The following TEX264 variants were observed in gnomAD, a reference collection of about 807,000 sequenced individuals.
TEX264 encodes the protein testis expressed 264, ER-phagy receptor, also known as testis-expressed protein 264.
In TEX264, 13 loss-of-function variants were observed where a neutral mutation model predicts 23.4. That is an observed-to-expected ratio of 0.56 (90% CI 0.36 to 0.88). TEX264 has a LOEUF of 0.88. TEX264 is among the 40% of genes least tolerant of loss of function. The probability of loss-of-function intolerance (pLI) is 0.01; values close to 1 mark genes in which losing one functional copy is unlikely to be tolerated. For synonymous variants in TEX264, 159 were observed against 170.0 expected, an observed-to-expected ratio of 0.94 and a Z score of 0.50; for missense variants, 340 against 406.8, an observed-to-expected ratio of 0.84 and a Z score of 1.41.
Position 51,674,363 on chromosome 3 carries a change from C to T in TEX264, c.59C>T (p.Thr20Met), listed in dbSNP as rs375351243. The change falls in exon 2 of 5, where the codon ACG becomes ATG. Residue 20 changes from threonine to methionine, a missense_variant. Transcript: ENST00000341333. ...IGGLTLLLLLTLLAFAGYSGL... is the reference protein window; with the variant it reads ...IGGLTLLLLLMLLAFAGYSGL... ...GGCCTGACTCTCTTACTGCTGCTGA[C>T]GCTGCTGGCCTTTGCCGGGTACTCA... The T allele has an allele frequency of 3.5e-5, 57 of 1,614,092 alleles. No homozygotes were observed. The highest frequency in any genetic ancestry group is 2.2e-4 in the East Asian group (10 of 44,898).
chr3:51,680,757 G>A (rs1702400449), intron 2 of TEX264, among the ~76,000 whole-genome samples: 2 of 152,212 alleles, frequency 1.3e-5, no homozygotes, highest in Non-Finnish European at 2.9e-5. Flanking sequence ...GGGAGGCCCA[G>A]GCCTATGTCC....
intron 2 of TEX264, chr3:51,682,997 T>G (rs1028413908): frequency 2.6e-5 from 4 of 152,304 alleles, no homozygotes; most frequent in African/African-American, 9.7e-5. Context: ...CAGAGAGGGC[T>G]TGGAAAGGGC....
In TEX264 at chr3:51,674,560, A is replaced by G. The variant is rs1338982079; in HGVS notation, c.256A>G (p.Met86Val). Residue 86 changes from methionine to valine, a missense_variant and splice_region_variant, in exon 2 of 5, where the codon ATG (methionine) becomes GTG (valine). By Grantham distance (21) the Met-to-Val change is conservative. Transcript: ENST00000341333. ...SIAVYYDNPHMVPPDKCRCAV... is the reference protein window; with the variant it reads ...SIAVYYDNPHVVPPDKCRCAV... ...CGCTGTCTACTATGACAACCCCCAC[A>G]TGGTAAGGAGTCTCCATGGGGTTCT... 3 of 1,613,680 alleles carry G rather than the reference A, an allele frequency of 1.9e-6. No homozygotes were observed. Among genetic ancestry groups the G allele is most frequent in the Non-Finnish European group, 2.5e-6 (3 of 1,179,890 alleles).
intron 3 of TEX264, among the ~76,000 whole-genome samples, chr3:51,693,254 G>A (rs1459006229): frequency 2.0e-5 from 3 of 152,112 alleles, no homozygotes; most frequent in African/African-American, 7.2e-5. Context: ...AGGCAGTGGC[G>A]GCAGCAGGCG....
In TEX264 at chr3:51,674,581, G is replaced by C; in HGVS notation, c.258+19G>C. On this transcript the variant is annotated intron_variant, in intron 2 of 4. Coordinates refer to ENST00000341333, the MANE Select transcript of TEX264 (RefSeq NM_015926.6). ...CCACATGGTAAGGAGTCTCCATGGG[G>C]TTCTGCCCCATGGATGGGCCTGGTG... The C allele has an allele frequency of 6.2e-7, 1 of 1,609,538 alleles. No individual in the cohort carries two copies.
At chr3:51,674,737 C>T (rs577950038) in intron 2 of TEX264, among the ~76,000 whole-genome samples, 175 bp downstream of exon 2, 5 of 152,336 alleles carry the variant, frequency 3.3e-5, no homozygotes, top group South Asian at 2.1e-4. Context: ...CTTCTGCTCC[C>T]GGCATCCATT....
intron 2 of TEX264, among the ~76,000 whole-genome samples, chr3:51,676,686 A>G (rs1358382537): frequency 2.0e-5 from 3 of 152,208 alleles, no homozygotes; most frequent in African/African-American, 7.2e-5. Flanking sequence ...TTCATAGTAG[A>G]CTGAGAAGAG....
chr3:51,700,614 G>T (rs1247206896), intron 4 of TEX264, among the ~76,000 whole-genome samples: 1 of 152,030 alleles, frequency 6.6e-6, no homozygotes. Context: ...GCAGCCTCCA[G>T]GGCAGGAAGA....
intron 2 of TEX264, 122 bp downstream of exon 2, chr3:51,674,684 CCCT>C (rs1301553505): frequency 8.3e-7 from 1 of 1,197,688 alleles, no homozygotes; most frequent in Non-Finnish European, 1.2e-6. Context: ...CCCTGCAGAC[CCCT>C]CCTCTATGAG....
Position 51,704,059 on chromosome 3 carries a change from G to GAGCAGACTCTCC in TEX264, c.*59_*70dup, listed in dbSNP as rs772556980. On this transcript the variant is annotated 3_prime_UTR_variant, in exon 5 of 5. Transcript: ENST00000341333. ...CCTGCAGTGCAGTTGCTGAGGAACT[G>GAGCAGACTCTCC]AGCAGACTCTCCAGCAGACTCTCCA... 9.2e-6 allele frequency: 13 copies of GAGCAGACTCTCC among 1,414,244 alleles called. No individual in the cohort carries two copies. The highest frequency in any genetic ancestry group is 1.0e-5 in the Non-Finnish European group (11 of 1,081,840). 87.6% of individuals were successfully genotyped at this position (1,414,244 alleles called of 1,614,324 possible). A position where few individuals can be genotyped will look rare whatever the true frequency, so the allele number is the denominator to read the frequency against.
At position 51,684,531 on chromosome 3, in the gene TEX264, C is replaced by T. The variant is rs1326653501; in HGVS notation, c.377C>T (p.Pro126Leu). Residue 126 changes from proline to leucine, a missense_variant, in exon 3 of 5, where the codon CCG becomes CTG. Pro to Leu is a moderately conservative substitution (Grantham distance 98). Transcript: ENST00000341333. ...QKFGFKVFSFPAPSHVVTATF... is the reference protein window; with the variant it reads ...QKFGFKVFSFLAPSHVVTATF... ...TTTGGCTTCAAGGTGTTCTCCTTCC[C>T]GGCACCCAGCCATGTGGTGACAGCC... 9 of 1,614,068 alleles carry T rather than the reference C, an allele frequency of 5.6e-6. No individual in the cohort carries two copies. The highest frequency in any genetic ancestry group is 1.1e-5 in the South Asian group (1 of 91,092).
At chr3:51,690,018 G>A (rs977243771) in intron 3 of TEX264, among the ~76,000 whole-genome samples, 6 of 152,218 alleles carry the variant, frequency 3.9e-5, no homozygotes, top group Non-Finnish European at 8.8e-5. Context: ...GTGGGCCCCA[G>A]CAGATTGCCT....
chr3:51,691,116 T>C lies in TEX264; in HGVS notation c.480+6482T>C, dbSNP rs1042513279. Among the ~76,000 whole-genome samples the C allele has an allele frequency of 6.6e-6, 1 of 152,192 alleles. No homozygotes were observed. Among genetic ancestry groups the C allele is most frequent in the Non-Finnish European group, 1.5e-5 (1 of 68,040 alleles). ...TGAGGCTTCAGGTCTAGGAGACTGC[T>C]GGGGGAGCCGAGGCAAAGCACAGGA... On this transcript the variant is annotated intron_variant, in intron 3 of 4. Coordinates refer to ENST00000341333, the MANE Select transcript of TEX264 (RefSeq NM_015926.6). This position sits in a 1 kb window ranked among gnomAD's most constrained non-coding sequence, Gnocchi z 4.4.
chr3:51,692,024 C>T (rs889492248), intron 3 of TEX264, among the ~76,000 whole-genome samples: 4 of 152,174 alleles, frequency 2.6e-5, no homozygotes, highest in South Asian at 2.1e-4. Flanking sequence ...TCTGGCTTTA[C>T]CCCACCTCCC....
At chr3:51,684,703 G>C in intron 3 of TEX264, 69 bp downstream of exon 3, 1 of 1,495,842 alleles carries the variant, frequency 6.7e-7, no homozygotes, top group Non-Finnish European at 9.2e-7. Flanking sequence ...GAGGAGGACT[G>C]CCTAGAATGG....
intron 2 of TEX264, among the ~76,000 whole-genome samples, chr3:51,679,989 C>T (rs756764127): frequency 6.6e-6 from 1 of 152,092 alleles, no homozygotes; most frequent in Non-Finnish European, 1.5e-5. Context: ...AACGAGGTCC[C>T]GTATCAACCA....
chr3:51,676,190 C>A (rs757260920), intron 2 of TEX264, among the ~76,000 whole-genome samples: 1 of 152,212 alleles, frequency 6.6e-6, no homozygotes. Context: ...GCCCTGCCCC[C>A]CCTTCCACAC....
chr3:51,688,863 A>G (rs754772962), intron 3 of TEX264, among the ~76,000 whole-genome samples: 3 of 152,166 alleles, frequency 2.0e-5, no homozygotes, highest in Non-Finnish European at 4.4e-5. Context: ...GTGGTGGCTC[A>G]TGCCTGTAAT....
At chr3:51,677,167 T>G (rs1702259471) in intron 2 of TEX264, among the ~76,000 whole-genome samples, 1 of 152,144 alleles carries the variant, frequency 6.6e-6, no homozygotes. Flanking sequence ...CAGATTCAGA[T>G]AGTAGGAGAA....
Sources: allele counts gnomAD v4.1 joint callset (sites outside exome capture counted in the v4.1 genomes callset), GRCh38; gene constraint gnomAD v4.1.1; non-coding constraint Gnocchi (gnomAD v3.1); transcripts MANE v1.5; gene names NCBI Gene and HGNC (gene_info 2026-07-23, HGNC 2026-07-21).